Variants in GLRA3 observed in about 807,000 individuals in gnomAD.
GLRA3 encodes the protein glycine receptor alpha 3.
Under a neutral mutation model 60.4 loss-of-function variants are expected in GLRA3, and 44 were observed. The ratio of observed to expected loss-of-function variants is 0.73; its 90% CI spans 0.57 to 0.94. GLRA3 has a LOEUF of 0.94. Among genes scored for constraint, GLRA3 ranks in the 40% least tolerant of loss-of-function variants. GLRA3 has a pLI of 0.00. For synonymous variants in GLRA3, 223 were observed against 192.9 expected (o/e 1.16, Z -1.29); for missense variants, 508 against 564.6 (o/e 0.90, Z 1.02).
chr4:174,743,199 C>A (rs1737092687), intron 3 of GLRA3, among the ~76,000 whole-genome samples: 1 of 152,070 alleles, frequency 6.6e-6, no homozygotes, highest in African/African-American at 2.4e-5. Flanking sequence ...AACATTGATA[C>A]AATACCATTA....
At chr4:174,717,333 A>C (rs1014082583) in intron 4 of GLRA3, among the ~76,000 whole-genome samples, 3 of 146,638 alleles carry the variant, frequency 2.0e-5, no homozygotes, top group African/African-American at 7.4e-5. Context: ...GAAACAAAGA[A>C]ACAAAGAAAG....
chr4:174,697,514 C>T (rs1464324126), intron 5 of GLRA3, among the ~76,000 whole-genome samples: 1 of 152,170 alleles, frequency 6.6e-6, no homozygotes, highest in Admixed American at 6.5e-5. Flanking sequence ...TTGTGCATTT[C>T]ATTTGAATAC....
In GLRA3 at chr4:174,828,921, T is replaced by C; in HGVS notation, c.-110A>G. The C allele has an allele frequency of 5.1e-6, 4 of 791,542 alleles. No homozygotes were observed. Among genetic ancestry groups the C allele is most frequent in the Admixed American group, 1.9e-5 (1 of 51,494 alleles). 49.0% of individuals were successfully genotyped at this position (791,542 alleles called of 1,614,324 possible). A position where few individuals can be genotyped will look rare whatever the true frequency, so the allele number is the denominator to read the frequency against. On this transcript the variant is annotated 5_prime_UTR_variant, in exon 1 of 10. Transcript: ENST00000274093. ...AACCCCGCATGGTGTTGGTGTAGAC[T>C]GATGCTTGGGAAGCTTCAGCACCTT...
At chr4:174,660,073 C>CAT (rs923322638) in intron 7 of GLRA3, among the ~76,000 whole-genome samples, 6 of 151,088 alleles carry the variant, frequency 4.0e-5, no homozygotes, top group African/African-American at 1.5e-4. Context: ...TATATATACA[C>CAT]ATATATATAT....
At chr4:174,678,761 T>C (rs1444617177) in intron 6 of GLRA3, among the ~76,000 whole-genome samples, 1 of 152,198 alleles carries the variant, frequency 6.6e-6, no homozygotes, top group Non-Finnish European at 1.5e-5. Context: ...TCCTGAAATA[T>C]ATGAAAATAC....
chr4:174,812,176 T>TA (rs1740301142), intron 1 of GLRA3, among the ~76,000 whole-genome samples: 2 of 152,266 alleles, frequency 1.3e-5, no homozygotes, highest in Admixed American at 6.5e-5. Flanking sequence ...AAGGAAAAGA[T>TA]ACAGCAATAG....
At chr4:174,665,492 C>T (rs529010523) in intron 7 of GLRA3, among the ~76,000 whole-genome samples, 4 of 152,188 alleles carry the variant, frequency 2.6e-5, no homozygotes, top group African/African-American at 7.2e-5. Flanking sequence ...GAATGCCCCA[C>T]CATCAGTTAA....
intron 3 of GLRA3, among the ~76,000 whole-genome samples, chr4:174,751,313 A>C (rs73867702): frequency 0.016 from 2,431 of 152,230 alleles, 70 homozygotes; most frequent in African/African-American, 0.055. Context: ...ATTTTATCAA[A>C]TAATGAAAGA....
intron 3 of GLRA3, among the ~76,000 whole-genome samples, chr4:174,739,209 A>C (rs958717084): frequency 6.6e-6 from 1 of 152,214 alleles, no homozygotes; most frequent in Non-Finnish European, 1.5e-5. Flanking sequence ...AGGTAGCAAG[A>C]AGTAGGTTGC....
chr4:174,738,545 T>C (rs1281326004), intron 3 of GLRA3, among the ~76,000 whole-genome samples: 1 of 152,222 alleles, frequency 6.6e-6, no homozygotes, highest in African/African-American at 2.4e-5. Context: ...CTTGAGGAAA[T>C]TCATATTTTG....
chr4:174,644,144 T>C (rs1732723121), intron 9 of GLRA3, 80 bp from the exon 10 acceptor site: 4 of 764,592 alleles, frequency 5.2e-6, no homozygotes, highest in Non-Finnish European at 8.8e-6. Flanking sequence ...CATAACCAAT[T>C]TTATCATGGT....
At position 174,762,281 on chromosome 4, in the gene GLRA3, A is replaced by G. The variant is rs367955530; in HGVS notation, c.267+4682T>C. On this transcript the variant is annotated intron_variant, in intron 3 of 9. Transcript: ENST00000274093. Reference sequence around the variant, plus strand: ...TGGAAATTTCTTTCTTGCTTCTGTCATAGTTATGCTTCATAGTGTGTGTAT... The same window carrying G: ...TGGAAATTTCTTTCTTGCTTCTGTCGTAGTTATGCTTCATAGTGTGTGTAT... Among the ~76,000 whole-genome samples the G allele has an allele frequency of 3.3e-5, 5 of 152,216 alleles. No homozygotes were observed. In the East Asian group the frequency reaches 7.7e-4, roughly 23 times the overall value.
chr4:174,678,819 G>A (rs1382026455), intron 6 of GLRA3, among the ~76,000 whole-genome samples: 2 of 152,060 alleles, frequency 1.3e-5, no homozygotes, highest in East Asian at 1.9e-4. Flanking sequence ...ATTTTGCTAT[G>A]AGAAATAATG....
intron 4 of GLRA3, among the ~76,000 whole-genome samples, chr4:174,726,420 T>C (rs1418451473): frequency 6.6e-6 from 1 of 152,222 alleles, no homozygotes; most frequent in Admixed American, 6.5e-5. Flanking sequence ...TAAGGGGGAT[T>C]GCATTTCTTC....
intron 4 of GLRA3, among the ~76,000 whole-genome samples, chr4:174,717,403 A>G (rs992613329): frequency 6.6e-6 from 1 of 152,160 alleles, no homozygotes; most frequent in Non-Finnish European, 1.5e-5. Flanking sequence ...GGAATAAAAA[A>G]GAACTATTTA....
chr4:174,808,747 G>A (rs908548832), intron 1 of GLRA3, among the ~76,000 whole-genome samples: 2 of 151,978 alleles, frequency 1.3e-5, no homozygotes, highest in Non-Finnish European at 2.9e-5. Flanking sequence ...TGTAGGCACA[G>A]GCTAATGTGT....
chr4:174,728,781 G>T, intron 3 of GLRA3, 83 bp from the exon 4 acceptor site: 1 of 821,212 alleles, frequency 1.2e-6, no homozygotes, highest in Non-Finnish European at 1.9e-6. Flanking sequence ...TGGTGCCAAG[G>T]CAGGCTCATC....
intron 1 of GLRA3, among the ~76,000 whole-genome samples, chr4:174,806,013 C>G (rs1740035643): frequency 6.6e-6 from 1 of 152,036 alleles, no homozygotes; most frequent in Non-Finnish European, 1.5e-5. Context: ...TCAATGTCCT[C>G]TCAGAGAAAA....
chr4:174,641,876 A>G lies in GLRA3; in HGVS notation c.*1910T>C, dbSNP rs1485187975. 6.6e-6 allele frequency: 1 copy of G among 152,120 alleles called. No homozygotes were observed. The highest frequency in any genetic ancestry group is 1.5e-5 in the Non-Finnish European group (1 of 67,968). The allele number at this position is 152,120 out of a possible 1,614,324, so 9.4% of individuals were successfully genotyped here. On this transcript the variant is annotated 3_prime_UTR_variant, in exon 10 of 10. Coordinates refer to ENST00000274093, the MANE Select transcript of GLRA3 (RefSeq NM_006529.4). ...TATAATTACCTCAAACTCTCCTGCT[A>G]ATTCTCAAGGAATACAAATGACATA...
Sources: gnomAD v4.1 joint callset for allele counts (sites outside exome capture counted in the v4.1 genomes callset) on GRCh38, gnomAD v4.1.1 for gene constraint, MANE v1.5 for transcripts, NCBI Gene and HGNC (gene_info 2026-07-23, HGNC 2026-07-21) for gene names.